Variants in RHOJ observed in about 807,000 individuals in gnomAD.
RHOJ encodes ras homolog family member J.
In RHOJ, 11 loss-of-function variants were observed where a neutral mutation model predicts 23.4. The observed-to-expected ratio is 0.47, with a 90% CI of 0.30 to 0.78. RHOJ has a LOEUF of 0.78. RHOJ is among the 30% of genes least tolerant of loss of function. The probability of loss-of-function intolerance (pLI) is 0.08; values close to 1 mark genes in which losing one functional copy is unlikely to be tolerated. For synonymous variants in RHOJ, 102 were observed against 102.7 expected (o/e 0.99, Z 0.04); for missense variants, 254 against 273.4 (o/e 0.93, Z 0.50).
chr14:63,225,892 T>C (rs193211905), intron 1 of RHOJ, among the ~76,000 whole-genome samples: 23 of 152,236 alleles, frequency 1.5e-4, no homozygotes, highest in Admixed American at 1.5e-3. Flanking sequence ...ATAGACCCGG[T>C]TCACATCACA....
intron 3 of RHOJ, among the ~76,000 whole-genome samples, chr14:63,282,609 A>T (rs1427951374): frequency 1.3e-5 from 2 of 151,682 alleles, no homozygotes; most frequent in Non-Finnish European, 2.9e-5. Context: ...CTTGCAGAAC[A>T]TTTGTTAGAA....
intron 4 of RHOJ, among the ~76,000 whole-genome samples, chr14:63,287,004 A>G (rs189009567): frequency 6.6e-6 from 1 of 152,210 alleles, no homozygotes; most frequent in Admixed American, 6.5e-5. Context: ...TCAAATGAGG[A>G]ATACAGAACT....
chr14:63,250,832 C>A (rs8007725), intron 1 of RHOJ, among the ~76,000 whole-genome samples: 37,776 of 151,860 alleles, frequency 0.25, 6,373 homozygotes, highest in African/African-American at 0.48. Flanking sequence ...TCAGGAGTTC[C>A]AGATCAGCCT....
chr14:63,221,234 G>A (rs1342948285), intron 1 of RHOJ, among the ~76,000 whole-genome samples: 1 of 152,288 alleles, frequency 6.6e-6, no homozygotes, highest in East Asian at 1.9e-4. Context: ...GGAGGCTGAG[G>A]TGGGAGGATT....
At chr14:63,235,799 A>G (rs968232304) in intron 1 of RHOJ, among the ~76,000 whole-genome samples, 1 of 152,228 alleles carries the variant, frequency 6.6e-6, no homozygotes, top group East Asian at 1.9e-4. Context: ...TATTAACTCC[A>G]GAACTGTGTT....
intron 1 of RHOJ, among the ~76,000 whole-genome samples, chr14:63,222,974 G>A (rs781354294): frequency 4.6e-5 from 7 of 152,144 alleles, no homozygotes; most frequent in African/African-American, 7.2e-5. Context: ...GAACACAAAG[G>A]AGCTAGGGAA....
intron 1 of RHOJ, 123 bp downstream of exon 1, chr14:63,205,170 G>A (rs1170962438): frequency 3.9e-6 from 4 of 1,014,492 alleles, no homozygotes; most frequent in Non-Finnish European, 5.7e-6. Context: ...AGTAACCAGG[G>A]AGCTTAGCGT....
intron 1 of RHOJ, among the ~76,000 whole-genome samples, chr14:63,240,619 G>A (rs1471784078): frequency 6.6e-6 from 1 of 152,120 alleles, no homozygotes; most frequent in Non-Finnish European, 1.5e-5. Flanking sequence ...GTGGGTGATT[G>A]ATACCCAGCA....
chr14:63,267,310 C>A (rs927109121), intron 1 of RHOJ, among the ~76,000 whole-genome samples: 13 of 152,214 alleles, frequency 8.5e-5, no homozygotes, highest in African/African-American at 2.9e-4. Flanking sequence ...ACTATCTGAA[C>A]AGGCACTCCA....
intron 1 of RHOJ, among the ~76,000 whole-genome samples, chr14:63,264,461 A>G (rs1187565081): frequency 2.0e-5 from 3 of 152,242 alleles, no homozygotes; most frequent in Admixed American, 2.0e-4. Flanking sequence ...GCTATTGTGA[A>G]TAGTGCTACA....
chr14:63,243,179 T>A (rs529401883), intron 1 of RHOJ, among the ~76,000 whole-genome samples: 1 of 152,228 alleles, frequency 6.6e-6, no homozygotes, highest in Non-Finnish European at 1.5e-5. Context: ...CAAGCTCTTT[T>A]AAAAGCCAAA....
rs1894078919 is a variant in RHOJ, at chr14:63,205,058, G to C, written c.178+11G>C. Reference sequence around the variant, plus strand: ...TTGACCACTATGCAGGTAAGAAAAAGTGGGAAACTCTCTGCATCCAGACAA... The same window carrying C: ...TTGACCACTATGCAGGTAAGAAAAACTGGGAAACTCTCTGCATCCAGACAA... On this transcript the variant is annotated intron_variant, in intron 1 of 4. Coordinates refer to ENST00000316754, the MANE Select transcript of RHOJ (RefSeq NM_020663.5). 1.9e-6 allele frequency: 3 copies of C among 1,609,442 alleles called. No homozygotes were observed. The highest frequency in any genetic ancestry group is 1.7e-6 in the Non-Finnish European group (2 of 1,177,018).
chr14:63,244,826 CAAAT>C (rs757436541), intron 1 of RHOJ, among the ~76,000 whole-genome samples: 1 of 152,126 alleles, frequency 6.6e-6, no homozygotes, highest in East Asian at 1.9e-4. Context: ...TAATTTTCAA[CAAAT>C]AAATAAAGGA....
chr14:63,281,150 G>T lies in RHOJ; in HGVS notation c.402+15G>T. ...TAGGGACCCAGGTTAAAATGTGGGC[G>T]ATGGCAGGGTGGAGCGGGCTGCAAA... On this transcript the variant is annotated intron_variant, in intron 3 of 4. Coordinates refer to ENST00000316754, the MANE Select transcript of RHOJ (RefSeq NM_020663.5). The T allele has an allele frequency of 6.3e-7, 1 of 1,595,856 alleles. No homozygotes were observed. The highest frequency in any genetic ancestry group is 8.5e-7 in the Non-Finnish European group (1 of 1,171,748).
At chr14:63,278,431 A>T (rs977127162) in intron 2 of RHOJ, among the ~76,000 whole-genome samples, 1 of 151,854 alleles carries the variant, frequency 6.6e-6, no homozygotes, top group Non-Finnish European at 1.5e-5. Context: ...CTTTTTTAAA[A>T]TTTTTTTTAT....
intron 2 of RHOJ, among the ~76,000 whole-genome samples, chr14:63,270,492 A>G (rs1225343710): frequency 2.0e-5 from 3 of 152,186 alleles, no homozygotes; most frequent in African/African-American, 7.2e-5. Context: ...TACGACTAAG[A>G]AAGGAGGCCC....
At chr14:63,217,908 G>A (rs541747335) in intron 1 of RHOJ, among the ~76,000 whole-genome samples, 2 of 152,296 alleles carry the variant, frequency 1.3e-5, no homozygotes, top group South Asian at 2.1e-4. Flanking sequence ...TTGTCGACAC[G>A]ATTACTTGCA....
At chr14:63,289,632 C>A (rs1882185747) in intron 4 of RHOJ, among the ~76,000 whole-genome samples, 1 of 152,228 alleles carries the variant, frequency 6.6e-6, no homozygotes, top group South Asian at 2.1e-4. Flanking sequence ...AGGTCTCCTT[C>A]ACAAGAAGCT....
At chr14:63,274,557 T>G (rs1018942054) in intron 2 of RHOJ, among the ~76,000 whole-genome samples, 25 of 152,222 alleles carry the variant, frequency 1.6e-4, no homozygotes, top group African/African-American at 6.0e-4. Context: ...AGGGAAATGC[T>G]TCCAGGACCA....
Sources: gnomAD v4.1 joint callset for allele counts (sites outside exome capture counted in the v4.1 genomes callset) on GRCh38, gnomAD v4.1.1 for gene constraint, MANE v1.5 for transcripts, NCBI Gene and HGNC (gene_info 2026-07-23, HGNC 2026-07-21) for gene names.